Variants in CHP1 observed in about 807,000 individuals in gnomAD.
CHP1 encodes the protein calcineurin like EF-hand protein 1.
A neutral mutation model predicts 27.4 loss-of-function variants in CHP1; 11 were observed. That is an observed-to-expected ratio of 0.40 (90% CI 0.25 to 0.67). The LOEUF (loss-of-function observed/expected upper bound fraction) is 0.67, where lower values mean the gene tolerates loss of function less well. Among genes scored for constraint, CHP1 ranks in the 30% least tolerant of loss-of-function variants. The pLI is 0.38. For missense variants in CHP1, 169 were observed against 251.3 expected (o/e 0.67, Z 2.22); for synonymous variants, 89 against 87.4 (o/e 1.02, Z -0.10).
At chr15:41,251,605 T>A (rs1366051173) in intron 2 of CHP1, among the ~76,000 whole-genome samples, 2 of 152,058 alleles carry the variant, frequency 1.3e-5, no homozygotes. Context: ...GGCACTAGAT[T>A]CTCATAGGAA....
In CHP1 at chr15:41,273,013, C is replaced by T. The variant is rs143259652; in HGVS notation, c.411+2395C>T. Among the ~76,000 whole-genome samples, 215 of 151,864 alleles carry T rather than the reference C, an allele frequency of 1.4e-3. 7 individuals carry two copies. In the East Asian group the frequency reaches 0.039, roughly 27 times the overall value. On this transcript the variant is annotated intron_variant, in intron 5 of 6. Coordinates refer to ENST00000334660, the MANE Select transcript of CHP1 (RefSeq NM_007236.5). ...CGGAGCTTGCAGTGAGCCGAGATCACGCTACTGCACTCCAGCCTGGGCAAC... is the reference window on the plus strand; with the variant it reads ...CGGAGCTTGCAGTGAGCCGAGATCATGCTACTGCACTCCAGCCTGGGCAAC...
chr15:41,236,070 C>A (rs1167549255), intron 1 of CHP1, among the ~76,000 whole-genome samples: 2 of 139,560 alleles, frequency 1.4e-5, no homozygotes, highest in Non-Finnish European at 3.0e-5. Flanking sequence ...GGGAAAGAGA[C>A]CCTAAGAACT....
chr15:41,242,925 G>A (rs1317141645), intron 1 of CHP1, among the ~76,000 whole-genome samples: 2 of 151,060 alleles, frequency 1.3e-5, no homozygotes, highest in Non-Finnish European at 2.9e-5. Flanking sequence ...CCTGGGCAAC[G>A]AGAGTGAAAC....
intron 2 of CHP1, among the ~76,000 whole-genome samples, chr15:41,248,501 AT>A (rs2047347731): frequency 1.3e-5 from 2 of 152,134 alleles, no homozygotes; most frequent in South Asian, 4.1e-4. Flanking sequence ...CCTGGGCTCC[AT>A]CAGTCCTCCC....
At chr15:41,273,889 T>C (rs1455210097) in intron 5 of CHP1, among the ~76,000 whole-genome samples, 1 of 151,272 alleles carries the variant, frequency 6.6e-6, no homozygotes, top group African/African-American at 2.4e-5. Flanking sequence ...TGCAGTGAGC[T>C]GAGATCATGC....
intron 1 of CHP1, among the ~76,000 whole-genome samples, chr15:41,235,229 C>G (rs1199828098): frequency 6.7e-6 from 1 of 149,798 alleles, no homozygotes; most frequent in Non-Finnish European, 1.5e-5. Context: ...TTACTTAAAA[C>G]TTTATGAGGC....
At chr15:41,251,615 A>G (rs541144773) in intron 2 of CHP1, among the ~76,000 whole-genome samples, 2 of 152,276 alleles carry the variant, frequency 1.3e-5, no homozygotes, top group East Asian at 3.9e-4. Flanking sequence ...TCTCATAGGA[A>G]CAGAAACCCT....
intron 1 of CHP1, among the ~76,000 whole-genome samples, chr15:41,235,562 T>A (rs1178952827): frequency 6.6e-6 from 1 of 152,166 alleles, no homozygotes; most frequent in African/African-American, 2.4e-5. Flanking sequence ...AACACCTTGA[T>A]AAACAATTCA....
At chr15:41,238,461 C>G (rs2047289023) in intron 1 of CHP1, among the ~76,000 whole-genome samples, 2 of 152,010 alleles carry the variant, frequency 1.3e-5, no homozygotes, top group South Asian at 2.1e-4. Flanking sequence ...CTGCCCTCAG[C>G]CAAACAGGGT....
chr15:41,274,893 T>TG (rs2047511958), intron 5 of CHP1, among the ~76,000 whole-genome samples: 2 of 147,662 alleles, frequency 1.4e-5, no homozygotes, highest in Admixed American at 1.4e-4. Context: ...CGGGTTCAAG[T>TG]GACTGTCCTC....
intron 2 of CHP1, among the ~76,000 whole-genome samples, chr15:41,250,090 TAAA>T (rs77882380): frequency 4.6e-4 from 58 of 127,264 alleles, no homozygotes; most frequent in Middle Eastern, 4.0e-3. Context: ...GGTGTTATGT[TAAA>T]AAAAAAAAAA....
intron 2 of CHP1, among the ~76,000 whole-genome samples, chr15:41,246,476 C>T (rs139976783): frequency 1.3e-4 from 19 of 151,632 alleles, no homozygotes; most frequent in Middle Eastern, 3.4e-3. Flanking sequence ...CATGACACCA[C>T]GCCCTGCTAA....
At chr15:41,247,932 A>G (rs2047344261) in intron 2 of CHP1, among the ~76,000 whole-genome samples, 1 of 151,782 alleles carries the variant, frequency 6.6e-6, no homozygotes. Context: ...TCACACCACC[A>G]TACTCCAGCC....
At chr15:41,267,923 A>G (rs1294865612) in intron 4 of CHP1, among the ~76,000 whole-genome samples, 2 of 129,924 alleles carry the variant, frequency 1.5e-5, no homozygotes, top group South Asian at 5.2e-4. Context: ...GTGAGGCCCT[A>G]TCTCTTAAAA....
At chr15:41,236,348 A>G (rs1193268581) in intron 1 of CHP1, among the ~76,000 whole-genome samples, 1 of 151,962 alleles carries the variant, frequency 6.6e-6, no homozygotes, top group African/African-American at 2.4e-5. Flanking sequence ...TGCAGCCTCA[A>G]GCTTCTGGGC....
chr15:41,238,684 CA>C lies in CHP1; in HGVS notation c.68-4968del, dbSNP rs770298183. Among the ~76,000 whole-genome samples, 956 of 123,478 alleles carry C rather than the reference CA, an allele frequency of 7.7e-3. 2 individuals carry two copies. The highest frequency in any genetic ancestry group is 0.015 in the African/African-American group (486 of 32,458). 81.0% of individuals were successfully genotyped at this position (123,478 alleles called of 152,430 possible). A position where few individuals can be genotyped will look rare whatever the true frequency, so the allele number is the denominator to read the frequency against. Reference sequence around the variant, plus strand: ...TGAAACCTGGTCTCTACTAAAAATACAAAAAAAAAAAAAAATTAGCCAGGCA... The same window carrying C: ...TGAAACCTGGTCTCTACTAAAAATACAAAAAAAAAAAAAATTAGCCAGGCA... On this transcript the variant is annotated intron_variant, in intron 1 of 6. Coordinates refer to ENST00000334660, the MANE Select transcript of CHP1 (RefSeq NM_007236.5).
At chr15:41,236,384 C>T (rs2047276968) in intron 1 of CHP1, among the ~76,000 whole-genome samples, 1 of 152,142 alleles carries the variant, frequency 6.6e-6, no homozygotes, top group Non-Finnish European at 1.5e-5. Flanking sequence ...AGCTCAGCCT[C>T]CTGAGTAGCT....
intron 2 of CHP1, among the ~76,000 whole-genome samples, chr15:41,245,780 C>G (rs940055909): frequency 6.6e-6 from 1 of 152,092 alleles, no homozygotes; most frequent in African/African-American, 2.4e-5. Flanking sequence ...TTGTAGTGTT[C>G]TTTAAAGCAC....
At position 41,279,271 on chromosome 15, in the gene CHP1, G is replaced by A; in HGVS notation, c.535-65G>A. 4.6e-6 allele frequency: 6 copies of A among 1,300,768 alleles called. No homozygotes were observed. In the South Asian group the frequency reaches 7.2e-5, roughly 16 times the overall value. The allele number at this position is 1,300,768 out of a possible 1,614,324, so 80.6% of individuals were successfully genotyped here. On this transcript the variant is annotated intron_variant, in intron 6 of 6. Coordinates refer to ENST00000334660, the MANE Select transcript of CHP1 (RefSeq NM_007236.5). ...GAGGAAGGGGGGAAAACATTACTCA[G>A]ATAAGAGCTTGGGAGTGTTGTAATC...
Sources: gnomAD v4.1 joint callset for allele counts (sites outside exome capture counted in the v4.1 genomes callset) on GRCh38, gnomAD v4.1.1 for gene constraint, MANE v1.5 for transcripts, NCBI Gene and HGNC (gene_info 2026-07-23, HGNC 2026-07-21) for gene names.